PTPRD: variants seen among roughly 807,000 people sequenced by gnomAD.
PTPRD encodes receptor-type tyrosine-protein phosphatase delta.
A neutral mutation model predicts 214.5 loss-of-function variants in PTPRD; 34 were observed. The observed-to-expected ratio is 0.16, with a 90% CI of 0.12 to 0.21. PTPRD has a LOEUF of 0.21. Ranked by LOEUF, PTPRD falls within the 10% of genes least tolerant of loss-of-function variation. PTPRD has a pLI of 1.00. For synonymous variants in PTPRD, 1,128 were observed against 845.7 expected (o/e 1.33, Z -5.79); for missense variants, 2,545 against 2,398.7 (o/e 1.06, Z -1.27).
At chr9:9,628,364 A>G (rs998033364) in intron 7 of PTPRD, among the ~76,000 whole-genome samples, 1 of 151,998 alleles carries the variant, frequency 6.6e-6, no homozygotes, top group African/African-American at 2.4e-5. Context: ...AACACAATCA[A>G]TTGCCAGGTT....
intron 8 of PTPRD, among the ~76,000 whole-genome samples, chr9:9,542,909 C>T (rs1027069613): frequency 1.3e-5 from 2 of 151,624 alleles, no homozygotes; most frequent in African/African-American, 4.8e-5. Context: ...GAACTGCTTG[C>T]CACTTCGTTA....
intron 2 of PTPRD, among the ~76,000 whole-genome samples, chr9:10,499,487 T>G (rs1338935908): frequency 6.6e-6 from 1 of 151,952 alleles, no homozygotes; most frequent in Non-Finnish European, 1.5e-5. Context: ...TCCTGAAAAA[T>G]GTCTACATTA....
At chr9:8,904,586 C>T (rs988031509) in intron 11 of PTPRD, among the ~76,000 whole-genome samples, 4 of 150,990 alleles carry the variant, frequency 2.6e-5, no homozygotes, top group African/African-American at 4.9e-5. Context: ...GCATGGGAAT[C>T]GCTTGAACCC....
chr9:9,212,243 A>G (rs551104494), intron 9 of PTPRD, among the ~76,000 whole-genome samples: 3 of 152,292 alleles, frequency 2.0e-5, no homozygotes, highest in Admixed American at 1.3e-4. Context: ...TTGAAAACAG[A>G]TTTAAATTTG....
chr9:8,792,572 T>C (rs2096271528), intron 11 of PTPRD, among the ~76,000 whole-genome samples: 2 of 152,228 alleles, frequency 1.3e-5, no homozygotes, highest in South Asian at 2.1e-4. Flanking sequence ...CTTAAATTCA[T>C]TTGATTTTAC....
chr9:9,884,945 G>A (rs1453850483), intron 5 of PTPRD, among the ~76,000 whole-genome samples: 1 of 152,076 alleles, frequency 6.6e-6, no homozygotes, highest in Non-Finnish European at 1.5e-5. Context: ...TCTCATGTAT[G>A]TCTTTATTAG....
At chr9:8,349,151 T>C (rs985301689) in intron 39 of PTPRD, among the ~76,000 whole-genome samples, 4 of 152,176 alleles carry the variant, frequency 2.6e-5, no homozygotes, top group Admixed American at 1.3e-4. Context: ...GAAAATTCCT[T>C]TGATACATGT....
chr9:10,388,462 G>A (rs1038874924), intron 2 of PTPRD, among the ~76,000 whole-genome samples: 37 of 130,078 alleles, frequency 2.8e-4, no homozygotes, highest in African/African-American at 1.0e-3. Flanking sequence ...TGGAATGAAT[G>A]TCTAAATGGA....
At chr9:9,211,111 G>A (rs893329990) in intron 9 of PTPRD, among the ~76,000 whole-genome samples, 2 of 151,832 alleles carry the variant, frequency 1.3e-5, no homozygotes, top group Non-Finnish European at 2.9e-5. Context: ...TTGTGTTGGA[G>A]TACATTCTGG....
Position 9,065,981 on chromosome 9 carries a change from T to C in PTPRD, c.-142-47246A>G, listed in dbSNP as rs2099730308. ...AAAGCATAACACCATTGTTATATAATATAAAGTAAATTTTCAGTACATTTT... is the reference window on the plus strand; with the variant it reads ...AAAGCATAACACCATTGTTATATAACATAAAGTAAATTTTCAGTACATTTT... On this transcript the variant is annotated intron_variant, in intron 10 of 45. Transcript: ENST00000381196. Among the ~76,000 whole-genome samples the C allele has an allele frequency of 2.0e-5, 3 of 152,180 alleles. No homozygotes were observed. In the South Asian group the frequency reaches 6.2e-4, roughly 31 times the overall value.
chr9:10,288,820 C>A (rs540099862), intron 3 of PTPRD, among the ~76,000 whole-genome samples: 1 of 147,388 alleles, frequency 6.8e-6, no homozygotes, highest in African/African-American at 2.6e-5. Flanking sequence ...TTTTTTTCTG[C>A]TTTTTGAAGG....
intron 8 of PTPRD, among the ~76,000 whole-genome samples, chr9:9,515,770 C>G (rs2096822966): frequency 6.6e-6 from 1 of 151,656 alleles, no homozygotes; most frequent in South Asian, 2.1e-4. Context: ...GTTTGATGTT[C>G]TTAAGTATGG....
intron 8 of PTPRD, among the ~76,000 whole-genome samples, chr9:9,486,150 C>CAA (rs71319226): frequency 0.019 from 571 of 30,168 alleles, 172 homozygotes; most frequent in Middle Eastern, 0.036. Context: ...GACTCTCTCT[C>CAA]AAAAAAAAAA....
chr9:9,557,475 GCT>G (rs755313716), intron 8 of PTPRD, among the ~76,000 whole-genome samples: 29 of 152,084 alleles, frequency 1.9e-4, no homozygotes, highest in Non-Finnish European at 4.3e-4. Context: ...GCACTGCAAA[GCT>G]CTCTCTCGGG....
intron 8 of PTPRD, among the ~76,000 whole-genome samples, chr9:9,479,831 A>G (rs2147036081): frequency 6.6e-6 from 1 of 152,268 alleles, no homozygotes; most frequent in East Asian, 1.9e-4. Flanking sequence ...AGTTTTAAAC[A>G]TCAAGTAAGT....
intron 4 of PTPRD, among the ~76,000 whole-genome samples, chr9:10,009,799 A>C (rs2096559808): frequency 6.6e-6 from 1 of 151,964 alleles, no homozygotes; most frequent in African/African-American, 2.4e-5. Flanking sequence ...AATTTCTTTC[A>C]GGGCCTGTAA....
At chr9:8,434,330 C>T (rs1322444653) in intron 35 of PTPRD, among the ~76,000 whole-genome samples, 1 of 152,120 alleles carries the variant, frequency 6.6e-6, no homozygotes, top group Admixed American at 6.6e-5. Flanking sequence ...TTTGTTTAAA[C>T]ACACAAATAG....
At chr9:10,494,256 A>T (rs1468182893) in intron 2 of PTPRD, among the ~76,000 whole-genome samples, 2 of 151,910 alleles carry the variant, frequency 1.3e-5, no homozygotes, top group Non-Finnish European at 2.9e-5. Flanking sequence ...TTCTTTTCTA[A>T]TCAAAACACT....
chr9:8,484,609 G>GATATATAT (rs2135814091), intron 29 of PTPRD, among the ~76,000 whole-genome samples: 1 of 121,272 alleles, frequency 8.2e-6, no homozygotes, highest in Admixed American at 7.9e-5. Context: ...CACAAAGATA[G>GATATATAT]ATATATACAT....
Sources: gnomAD v4.1 joint callset for allele counts (sites outside exome capture counted in the v4.1 genomes callset) on GRCh38, gnomAD v4.1.1 for gene constraint, MANE v1.5 for transcripts, NCBI Gene and HGNC (gene_info 2026-07-23, HGNC 2026-07-21) for gene names.